The following DNAH14 variants were observed in gnomAD, a reference collection of about 807,000 sequenced individuals.
DNAH14 encodes the protein dynein axonemal heavy chain 14.
Under a neutral mutation model 520.9 loss-of-function variants are expected in DNAH14, and 478 were observed. That is an observed-to-expected ratio of 0.92 (90% CI 0.85 to 0.99). The LOEUF is 0.99. Among genes scored for constraint, DNAH14 ranks in the 50% least tolerant of loss-of-function variants. The pLI, the probability that DNAH14 is intolerant of heterozygous loss-of-function variation, is 0.00. For synonymous variants in DNAH14, 1,581 were observed against 1,757.2 expected, an observed-to-expected ratio of 0.90 and a Z score of 2.51; for missense variants, 4,831 against 5,234.5, an observed-to-expected ratio of 0.92 and a Z score of 2.38.
intron 36 of DNAH14, among the ~76,000 whole-genome samples, chr1:225,175,342 T>C (rs1404008802): frequency 6.6e-6 from 1 of 152,162 alleles, no homozygotes; most frequent in Non-Finnish European, 1.5e-5. Flanking sequence ...CCTGCATAGG[T>C]TTTCTTTTCT....
intron 83 of DNAH14, among the ~76,000 whole-genome samples, chr1:225,390,891 T>C (rs987361734): frequency 5.9e-5 from 9 of 151,944 alleles, no homozygotes; most frequent in Admixed American, 3.3e-4. Flanking sequence ...AGCAAAAAGT[T>C]GAGAGTCTCA....
At position 225,232,280 on chromosome 1, in the gene DNAH14, T is replaced by TATACACACACAC. The variant is rs1553258510; in HGVS notation, c.6518+1130_6518+1131insTACACACACACA. On this transcript the variant is annotated intron_variant, in intron 42 of 85. Transcript: ENST00000682510. The surrounding 1 kb of genome is among the most constrained non-coding windows in gnomAD (Gnocchi z 4.2). ...ATATATAAACTGTGATATATATATA[T>TATACACACACAC]ACACACACACACACACACACGTGTA... is the stretch of plus-strand genomic sequence containing the variant. Among the ~76,000 whole-genome samples the TATACACACACAC allele has an allele frequency of 0.015, 2,196 of 149,562 alleles. 44 individuals are homozygous for TATACACACACAC. Among genetic ancestry groups the TATACACACACAC allele is most frequent in the East Asian group, 0.048 (246 of 5,076 alleles).
intron 27 of DNAH14, among the ~76,000 whole-genome samples, chr1:225,139,983 T>G (rs745697130): frequency 6.6e-5 from 10 of 152,350 alleles, no homozygotes; most frequent in South Asian, 2.1e-4. Flanking sequence ...CCAAGAATGC[T>G]GTTGATATAA....
chr1:225,171,425 T>A (rs1199013296), intron 36 of DNAH14, among the ~76,000 whole-genome samples: 1 of 152,026 alleles, frequency 6.6e-6, no homozygotes, highest in Non-Finnish European at 1.5e-5. Context: ...CAATAAAAAA[T>A]GATAAAGGGG....
intron 16 of DNAH14, among the ~76,000 whole-genome samples, chr1:225,050,689 A>G (rs1218487507): frequency 6.6e-6 from 1 of 152,202 alleles, no homozygotes; most frequent in East Asian, 1.9e-4. Flanking sequence ...CCAAATTTAC[A>G]AGAGAATCTA....
chr1:225,350,644 A>G (rs1472982227), intron 71 of DNAH14, among the ~76,000 whole-genome samples: 1 of 152,162 alleles, frequency 6.6e-6, no homozygotes, highest in Non-Finnish European at 1.5e-5. Flanking sequence ...AATGAATTGG[A>G]TAACCTAGAA....
intron 17 of DNAH14, among the ~76,000 whole-genome samples, chr1:225,055,457 C>T (rs2068939965): frequency 6.6e-6 from 1 of 152,108 alleles, no homozygotes; most frequent in South Asian, 2.1e-4. Context: ...CTCAAGTGAT[C>T]CTCCCACCTG....
rs1226267605 is a variant in DNAH14 at position 225,140,806 on chromosome 1, T to C, written c.4293T>C (p.Phe1431=). ...IMFYNDCVKS[F]VSSYSREKLE... ...TTTATAATGATTGTGTTAAAAGTTT[T>C]GTGAGTTCTTATTCAAGAGAAAAAT... Residue 1431 remains phenylalanine, a synonymous_variant, in exon 28 of 86, where the codon TTT becomes TTC. Coordinates refer to ENST00000682510, the MANE Select transcript of DNAH14 (RefSeq NM_001367479.1). The C allele has an allele frequency of 6.5e-7, 1 of 1,550,028 alleles. No homozygotes were observed. Among genetic ancestry groups the C allele is most frequent in the East Asian group, 2.4e-5 (1 of 40,894 alleles).
intron 49 of DNAH14, among the ~76,000 whole-genome samples, chr1:225,269,945 C>T (rs944577886): frequency 2.0e-5 from 3 of 152,138 alleles, no homozygotes; most frequent in Non-Finnish European, 4.4e-5. Flanking sequence ...CTAGAAATAC[C>T]ATTTGACTCA....
intron 32 of DNAH14, 142 bp from the exon 33 acceptor site, chr1:225,152,555 A>AT (rs759545330): frequency 6.9e-5 from 57 of 828,564 alleles, no homozygotes; most frequent in Non-Finnish European, 9.4e-5. Context: ...GAAAGGTACA[A>AT]TAAAAACTAT....
chr1:225,063,338 C>T (rs1316540747), intron 17 of DNAH14, among the ~76,000 whole-genome samples: 4 of 152,114 alleles, frequency 2.6e-5, no homozygotes, highest in Non-Finnish European at 5.9e-5. Context: ...ATACCAAATA[C>T]AATGTAAATG....
At chr1:225,081,223 A>G (rs79320518) in intron 19 of DNAH14, among the ~76,000 whole-genome samples, 9 of 152,292 alleles carry the variant, frequency 5.9e-5, no homozygotes, top group African/African-American at 2.2e-4. Context: ...ATCCTTTCCA[A>G]AAGGGATATT....
At chr1:225,176,270 T>C (rs9887975) in intron 36 of DNAH14, among the ~76,000 whole-genome samples, 23,459 of 152,198 alleles carry the variant, frequency 0.15, 2,123 homozygotes, top group East Asian at 0.36. Flanking sequence ...CAAAGTTCCT[T>C]CTGTTACTGA....
intron 5 of DNAH14, among the ~76,000 whole-genome samples, chr1:224,966,712 G>T (rs1288738792): frequency 6.6e-6 from 1 of 152,060 alleles, no homozygotes; most frequent in African/African-American, 2.4e-5. Flanking sequence ...GAAAAACAGG[G>T]TCTTTCTCTG....
Position 225,168,355 on chromosome 1 carries a change from C to T in DNAH14, c.5535+327C>T, listed in dbSNP as rs558257431. ...CGTGAGCCGAAGCAGGGCGAGGCAT[C>T]GCCTCACCCAGGAAGCACAAGGGGT... On this transcript the variant is annotated intron_variant, in intron 36 of 85. Coordinates refer to ENST00000682510, the MANE Select transcript of DNAH14 (RefSeq NM_001367479.1). Among the ~76,000 whole-genome samples, 8 of 152,256 alleles carry T rather than the reference C, an allele frequency of 5.3e-5. No individual in the cohort carries two copies. In the East Asian group the frequency reaches 9.7e-4, roughly 18 times the overall value.
chr1:225,342,249 G>A (rs2095201638), intron 69 of DNAH14, among the ~76,000 whole-genome samples: 1 of 152,108 alleles, frequency 6.6e-6, no homozygotes, highest in Non-Finnish European at 1.5e-5. Context: ...AGGAAACCAA[G>A]TTTGATAGGG....
chr1:225,324,079 G>C, intron 62 of DNAH14, 143 bp from the exon 63 acceptor site: 1 of 970,192 alleles, frequency 1.0e-6, no homozygotes. Flanking sequence ...ACCTCCCAAA[G>C]TGCTGGGTTT....
intron 11 of DNAH14, among the ~76,000 whole-genome samples, chr1:225,035,151 T>C (rs1330676229): frequency 6.6e-6 from 1 of 152,096 alleles, no homozygotes. Flanking sequence ...GTAGGTTGTA[T>C]GTGTCTAGCA....
Position 225,351,751 on chromosome 1 carries a change from T to G in DNAH14, c.11401T>G (p.Cys3801Gly). The change falls in exon 72 of 86, where the codon TGC becomes GGC. Residue 3801 changes from cysteine to glycine, a missense_variant. Cys to Gly is a radical substitution (Grantham distance 159). Transcript: ENST00000682510. ...TCACCTGGAACCATTTTCACTTCTG[T>G]GCAAATCCCTTTTATCAAACGTATC... ...STHLEPFSLLCKSLLSNVSQW... is the reference protein window; with the variant it reads ...STHLEPFSLLGKSLLSNVSQW... 6.4e-7 allele frequency: 1 copy of G among 1,551,400 alleles called. No homozygotes were observed. Among genetic ancestry groups the G allele is most frequent in the Non-Finnish European group, 8.7e-7 (1 of 1,146,774 alleles).
Sources: allele counts gnomAD v4.1 joint callset (sites outside exome capture counted in the v4.1 genomes callset), GRCh38; gene constraint gnomAD v4.1.1; non-coding constraint Gnocchi (gnomAD v3.1); transcripts MANE v1.5; gene names NCBI Gene and HGNC (gene_info 2026-07-23, HGNC 2026-07-21).